The following SHANK2 variants were observed in gnomAD, a reference collection of about 807,000 sequenced individuals.
SHANK2 encodes SH3 and multiple ankyrin repeat domains protein 2.
In SHANK2, 43 loss-of-function variants were observed where a neutral mutation model predicts 133.7. The observed-to-expected ratio is 0.32, with a 90% CI of 0.25 to 0.41. SHANK2 has a LOEUF of 0.41. Ranked by LOEUF, SHANK2 falls within the 10% of genes least tolerant of loss-of-function variation. SHANK2 has a pLI of 1.00. For missense variants in SHANK2, 1,994 were observed against 2,235.8 expected, an observed-to-expected ratio of 0.89 and a Z score of 2.18; for synonymous variants, 1,017 against 952.8, an observed-to-expected ratio of 1.07 and a Z score of -1.24.
At chr11:70,476,880 CCA>C (rs2058671086) in intron 25 of SHANK2, among the ~76,000 whole-genome samples, 1 of 152,204 alleles carries the variant, frequency 6.6e-6, no homozygotes, top group Non-Finnish European at 1.5e-5. Flanking sequence ...AAGTAAAGCC[CCA>C]GAGTGAGAGC....
At position 70,485,593 on chromosome 11, in the gene SHANK2, A is replaced by G; in HGVS notation, c.4700T>C (p.Leu1567Pro). Residue 1567 changes from leucine (L) to proline (P), a missense_variant, in exon 25 of 26, where the codon CTC (leucine) becomes CCC (proline). Leu to Pro is a moderately conservative substitution (Grantham distance 98, BLOSUM62 -3). Around this residue, in one of 5 missense-constraint regions of SHANK2, gnomAD observed 797 missense variants for 907.4 expected, o/e 0.88. Transcript: ENST00000601538. The surrounding 1 kb of genome is among the most constrained non-coding windows in gnomAD (Gnocchi z 5.8). ...HKSNALYQDA[L>P]VEEDVDSFVI... ...AAAGCTATCTACATCTTCTTCCACGAGCGCGTCTTGATAAAGTGCATTGCT... is the reference window on the plus strand; with the variant it reads ...AAAGCTATCTACATCTTCTTCCACGGGCGCGTCTTGATAAAGTGCATTGCT... 6.2e-7 allele frequency: 1 copy of G among 1,613,778 alleles called. No individual in the cohort carries two copies. Among genetic ancestry groups the G allele is most frequent in the Non-Finnish European group, 8.5e-7 (1 of 1,180,016 alleles).
chr11:70,641,763 G>C (rs1555006439), intron 17 of SHANK2, among the ~76,000 whole-genome samples: 1 of 152,216 alleles, frequency 6.6e-6, no homozygotes, highest in African/African-American at 2.4e-5. Context: ...CCAGTTTTCA[G>C]TATGTGGCTT....
intron 14 of SHANK2, among the ~76,000 whole-genome samples, chr11:70,754,014 G>C (rs781993187): frequency 1.3e-5 from 2 of 152,170 alleles, no homozygotes; most frequent in African/African-American, 2.4e-5. Flanking sequence ...GTTTCACCAC[G>C]TTGGCTAGGC....
At position 70,703,268 on chromosome 11, in the gene SHANK2, G is replaced by A. The variant is rs11824984; in HGVS notation, c.1778-4505C>T. Among the ~76,000 whole-genome samples, 1,079 of 152,324 alleles carry A rather than the reference G, an allele frequency of 7.1e-3. 10 individuals are homozygous for A. The highest frequency in any genetic ancestry group is 0.02 in the Middle Eastern group (6 of 294). The stretch of plus-strand genomic sequence containing the variant: ...AGGGGGAGGCTCACAGAGTTTGAGT[G>A]AGTCACCCAGCCAGGAAGTGGCAGA... On this transcript the variant is annotated intron_variant, in intron 14 of 25. Transcript: ENST00000601538.
chr11:70,591,482 C>T (rs1554988028), intron 17 of SHANK2, among the ~76,000 whole-genome samples: 1 of 152,100 alleles, frequency 6.6e-6, no homozygotes, highest in Admixed American at 6.6e-5. Flanking sequence ...GGAGTAAGCG[C>T]ATTGCCCTGG....
At position 70,815,175 on chromosome 11, in the gene SHANK2, A is replaced by AACACACAC. The variant is rs61610592; in HGVS notation, c.1493+5181_1493+5188dup. On this transcript the variant is annotated intron_variant, in intron 12 of 25. Coordinates refer to ENST00000601538, the MANE Select transcript of SHANK2 (RefSeq NM_012309.5). ...GCACCTTTAGGAGGATGGGAGAAGA[A>AACACACAC]ACACACACACACACACACACACACA... 2.6e-3 allele frequency among the ~76,000 whole-genome samples: 308 copies of AACACACAC among 119,694 alleles called. 2 individuals carry two copies. The highest frequency in any genetic ancestry group is 8.5e-3 in the Middle Eastern group (2 of 236). 78.5% of individuals were successfully genotyped at this position (119,694 alleles called of 152,430 possible).
chr11:70,824,177 A>G (rs1173532138), intron 11 of SHANK2, among the ~76,000 whole-genome samples: 2 of 151,896 alleles, frequency 1.3e-5, no homozygotes, highest in Admixed American at 6.6e-5. Context: ...GACCCGGCGC[A>G]CCTTCCCCAC....
At chr11:70,560,637 TG>T (rs1363552032) in intron 17 of SHANK2, among the ~76,000 whole-genome samples, 9 of 151,890 alleles carry the variant, frequency 5.9e-5, no homozygotes, top group African/African-American at 1.9e-4. Flanking sequence ...TTTTTTCGTT[TG>T]TTTTTTTTTT....
intron 3 of SHANK2, among the ~76,000 whole-genome samples, chr11:71,134,149 G>C (rs1463635196): frequency 1.3e-5 from 2 of 151,996 alleles, no homozygotes; most frequent in East Asian, 3.9e-4. Context: ...GCACAGGTGG[G>C]AGGGGAGGGG....
At chr11:71,222,719 T>A (rs782649864) in intron 2 of SHANK2, among the ~76,000 whole-genome samples, 2 of 152,246 alleles carry the variant, frequency 1.3e-5, no homozygotes, top group Non-Finnish European at 2.9e-5. Context: ...ACGTGCTCCT[T>A]CCTGGGTGGA....
chr11:70,805,701 A>G (rs184319429), intron 13 of SHANK2, among the ~76,000 whole-genome samples: 3 of 152,374 alleles, frequency 2.0e-5, no homozygotes, highest in Non-Finnish European at 2.9e-5. Flanking sequence ...AAAAATCTCA[A>G]CAAGGTAATA....
chr11:71,063,387 A>T (rs935873622), intron 9 of SHANK2, among the ~76,000 whole-genome samples: 1 of 152,240 alleles, frequency 6.6e-6, no homozygotes, highest in African/African-American at 2.4e-5. Context: ...GCTTAATAAC[A>T]ATGATACCTC....
intron 14 of SHANK2, among the ~76,000 whole-genome samples, chr11:70,701,916 C>G (rs1555023773): frequency 6.6e-6 from 1 of 151,510 alleles, no homozygotes; most frequent in African/African-American, 2.4e-5. Flanking sequence ...TCATCACCAC[C>G]ATCATCACCA....
chr11:71,082,350 G>T (rs958862255), intron 8 of SHANK2, among the ~76,000 whole-genome samples: 1 of 152,152 alleles, frequency 6.6e-6, no homozygotes, highest in Non-Finnish European at 1.5e-5. Context: ...GTCATCTTGG[G>T]GCCTGGACAC....
At chr11:71,203,992 C>T (rs970560729) in intron 2 of SHANK2, among the ~76,000 whole-genome samples, 8 of 152,180 alleles carry the variant, frequency 5.3e-5, no homozygotes, top group Non-Finnish European at 1.0e-4. Context: ...CCCCACATGC[C>T]TTTTGCCTTT....
chr11:70,837,942 C>A (rs1555060474), intron 11 of SHANK2, among the ~76,000 whole-genome samples: 3 of 138,198 alleles, frequency 2.2e-5, no homozygotes, highest in African/African-American at 8.5e-5. Flanking sequence ...CCATTGCACT[C>A]CAGCCTGGGC....
At chr11:70,625,300 C>A (rs2060890159) in intron 17 of SHANK2, among the ~76,000 whole-genome samples, 1 of 152,158 alleles carries the variant, frequency 6.6e-6, no homozygotes, top group Non-Finnish European at 1.5e-5. Context: ...CGAGTCTTTG[C>A]TGGGGCTCTG....
chr11:70,682,304 G>A (rs1945046396), intron 15 of SHANK2, among the ~76,000 whole-genome samples: 1 of 152,200 alleles, frequency 6.6e-6, no homozygotes, highest in Non-Finnish European at 1.5e-5. Flanking sequence ...CATGGAAGCT[G>A]GGCACCAACA....
At chr11:71,222,256 A>G (rs1355094740) in intron 2 of SHANK2, among the ~76,000 whole-genome samples, 1 of 152,142 alleles carries the variant, frequency 6.6e-6, no homozygotes, top group Non-Finnish European at 1.5e-5. Flanking sequence ...CCAGAAAAAC[A>G]AAACTAAAAC....
Sources: gnomAD v4.1 joint callset for allele counts (sites outside exome capture counted in the v4.1 genomes callset) on GRCh38, gnomAD v4.1.1 for gene constraint, gnomAD v4.1.1 regional missense constraint, Gnocchi (gnomAD v3.1) non-coding constraint, MANE v1.5 for transcripts, NCBI Gene and HGNC (gene_info 2026-07-23, HGNC 2026-07-21) for gene names.